Variants in IGFN1 observed in about 807,000 individuals in gnomAD.
The protein encoded by IGFN1 is immunoglobulin-like and fibronectin type III domain-containing protein 1.
Under a neutral mutation model 289.5 loss-of-function variants are expected in IGFN1, and 253 were observed. The observed-to-expected ratio is 0.87, with a 90% CI of 0.79 to 0.97. The LOEUF (loss-of-function observed/expected upper bound fraction) is 0.97, where lower values mean the gene tolerates loss of function less well. Ranked by LOEUF, IGFN1 falls within the 50% of genes least tolerant of loss-of-function variation. The pLI is 0.00. For synonymous variants in IGFN1, 1,706 were observed against 1,788.5 expected, an observed-to-expected ratio of 0.95 and a Z score of 1.16; for missense variants, 4,470 against 4,686.1, an observed-to-expected ratio of 0.95 and a Z score of 1.35.
chr1:201,216,857 C>T lies in IGFN1; in HGVS notation c.9595+104C>T, dbSNP rs1421072229. 1.4e-5 allele frequency: 14 copies of T among 982,822 alleles called. No individual in the cohort carries two copies. The East Asian group carries it at 1.5e-4, about 10-fold the overall frequency. 60.9% of individuals were successfully genotyped at this position (982,822 alleles called of 1,614,324 possible). On this transcript the variant is annotated intron_variant, in intron 16 of 23. Transcript: ENST00000335211. ...AGGCTGAGTGACACCAGCCTGTGCTCGGGGCTTCGGAGGCCCTTCTGTAGC... is the reference window on the plus strand; with the variant it reads ...AGGCTGAGTGACACCAGCCTGTGCTTGGGGCTTCGGAGGCCCTTCTGTAGC...
At position 201,209,644 on chromosome 1, in the gene IGFN1, T is replaced by A. The variant is rs1558145600; in HGVS notation, c.4751T>A (p.Phe1584Tyr). The change falls in exon 12 of 24, where the codon TTT becomes TAT. Residue 1584 changes from phenylalanine (F) to tyrosine (Y), a missense_variant. This residue lies in a region of IGFN1 where 31 missense variants were observed against 121.0 expected (regional missense o/e 0.26). Transcript: ENST00000335211. ...ATGGGTTCAGGGAGTAAGGCAAGTT[T>A]TAGGGATGGTTTAGGAGGTTCTGGA... ...KGMGSGSKAS[F>Y]RDGLGGSGEM... is the part of the protein sequence containing the mutation. The A allele has an allele frequency of 6.5e-7, 1 of 1,534,240 alleles. No individual in the cohort carries two copies. The highest frequency in any genetic ancestry group is 2.0e-5 in the Admixed American group (1 of 50,792).
Position 201,205,139 on chromosome 1 carries a change from ACG to A in IGFN1, c.976_977del (p.Ala326SerfsTer3). 6.4e-7 allele frequency: 1 copy of A among 1,550,914 alleles called. No homozygotes were observed. Among genetic ancestry groups the A allele is most frequent in the Non-Finnish European group, 8.7e-7 (1 of 1,146,982 alleles). ...GAGACCCACTGTGAGGAGCAGGGTG[ACG>A]CAGTCTTTGAATGTACCCTCTCCAG... is the stretch of plus-strand genomic sequence containing the variant. On this transcript the variant is annotated frameshift_variant, in exon 11 of 24. Coordinates refer to ENST00000335211, the MANE Select transcript of IGFN1 (RefSeq NM_001164586.2). LOFTEE classifies it high-confidence loss of function.
intron 20 of IGFN1, 163 bp downstream of exon 20, chr1:201,222,990 C>T (rs1418474504): frequency 5.9e-6 from 3 of 509,334 alleles, no homozygotes; most frequent in African/African-American, 1.9e-5. Context: ...AGACATGAGG[C>T]AGGAAGGATT....
At chr1:201,217,598 G>C (rs1653406606) in intron 17 of IGFN1, 138 bp downstream of exon 17, 6 of 821,242 alleles carry the variant, frequency 7.3e-6, no homozygotes, top group Non-Finnish European at 1.1e-5. Flanking sequence ...TATTTTTCGT[G>C]GTCACAATGG....
chr1:201,226,836 T>C (rs763537500), intron 22 of IGFN1, 46 bp from the exon 23 acceptor site: 2 of 1,455,352 alleles, frequency 1.4e-6, no homozygotes, highest in Non-Finnish European at 1.9e-6. Context: ...CAGCCAGGCC[T>C]TCCTCGCTTT....
chr1:201,193,592 C>A (rs181828677), intron 2 of IGFN1, among the ~76,000 whole-genome samples: 1 of 152,302 alleles, frequency 6.6e-6, no homozygotes, highest in Non-Finnish European at 1.5e-5. Flanking sequence ...GCTAGGATTA[C>A]AGGTGCCTGC....
intron 20 of IGFN1, 100 bp from the exon 21 acceptor site, chr1:201,224,579 C>T (rs1322493638): frequency 3.3e-6 from 3 of 920,294 alleles, no homozygotes; most frequent in South Asian, 1.7e-5. Flanking sequence ...TTGTAGAAGA[C>T]TCTTCTCACC....
chr1:201,203,490 A>G (rs1667249691), intron 9 of IGFN1, among the ~76,000 whole-genome samples: 1 of 152,146 alleles, frequency 6.6e-6, no homozygotes. Flanking sequence ...CCCTTTGTAT[A>G]ACACTTGCAG....
At position 201,209,512 on chromosome 1, in the gene IGFN1, T is replaced by C. The variant is rs2102339948; in HGVS notation, c.4619T>C (p.Ile1540Thr). The change falls in exon 12 of 24, where the codon ATA becomes ACA. Residue 1540 changes from isoleucine (I) to threonine (T), a missense_variant. By Grantham distance (89) the Ile-to-Thr change is moderately conservative. Transcript: ENST00000335211. ...YRKDLGASEA[I>T]GSGSKAGFTD... is the part of the protein sequence containing the mutation. ...AAGGATTTGGGGGCTTCTGAGGCAA[T>C]AGGTTCAGGGAGTAAGGCAGGTTTT... The C allele has an allele frequency of 5.9e-6, 9 of 1,533,896 alleles. No individual in the cohort carries two copies. Among genetic ancestry groups the C allele is most frequent in the Non-Finnish European group, 7.9e-6 (9 of 1,145,288 alleles).
At position 201,208,665 on chromosome 1, in the gene IGFN1, G is replaced by A. The variant is rs1571456386; in HGVS notation, c.3772G>A (p.Gly1258Ser). The A allele has an allele frequency of 1.3e-6, 2 of 1,536,540 alleles. No individual in the cohort carries two copies. Among genetic ancestry groups the A allele is most frequent in the African/African-American group, 1.4e-5 (1 of 73,108 alleles). ...GGCAGGCTTTAGAGATGGTTCAGGA[G>A]GCCTCCAAGGAATGGGATCAGCAGA... ...GEAGFRDGSG[G>S]LQGMGSADGP... is the part of the protein sequence containing the mutation. Residue 1258 changes from glycine (G) to serine (S), a missense_variant, in exon 12 of 24, where the codon GGC becomes AGC. Gly to Ser is a moderately conservative substitution (Grantham distance 56). Coordinates refer to ENST00000335211, the MANE Select transcript of IGFN1 (RefSeq NM_001164586.2).
intron 23 of IGFN1, among the ~76,000 whole-genome samples, 155 bp from the exon 24 acceptor site, chr1:201,228,231 C>A (rs1654240258): frequency 6.6e-6 from 1 of 152,214 alleles, no homozygotes; most frequent in Non-Finnish European, 1.5e-5. Flanking sequence ...TTTGCCCAAG[C>A]TTAGAGAGCA....
rs568768751 is a variant in IGFN1 at position 201,227,003 on chromosome 1, C to A, written c.10908C>A (p.Ala3636=). ...GCTGCGAGTGCTGCATGAGCTGTGC[C>A]GTGCAGGGCTCGCCCCGGCCCCACG... is the stretch of plus-strand genomic sequence containing the variant. The part of the protein sequence containing the change: ...PQGCECCMSC[A]VQGSPRPHVT... Residue 3636 remains alanine, a synonymous_variant, in exon 23 of 24, where the codon GCC becomes GCA. Transcript: ENST00000335211. 1 of 1,613,414 alleles carries A rather than the reference C, an allele frequency of 6.2e-7. No homozygotes were observed. Among genetic ancestry groups the A allele is most frequent in the South Asian group, 1.1e-5 (1 of 91,086 alleles).
At position 201,207,187 on chromosome 1, in the gene IGFN1, T is replaced by C; in HGVS notation, c.2294T>C (p.Val765Ala). ...EADGICRGES[V>A]VTGSAYKTGP... Reference sequence around the variant, plus strand: ...GATGGTATATGCCGGGGGGAGTCTGTAGTTACAGGAAGTGCCTACAAAACT... The same window carrying C: ...GATGGTATATGCCGGGGGGAGTCTGCAGTTACAGGAAGTGCCTACAAAACT... The change falls in exon 12 of 24, where the codon GTA becomes GCA. Residue 765 changes from valine to alanine, a missense_variant. Val to Ala is a moderately conservative substitution (Grantham distance 64, BLOSUM62 0). Coordinates refer to ENST00000335211, the MANE Select transcript of IGFN1 (RefSeq NM_001164586.2). 6.5e-7 allele frequency: 1 copy of C among 1,536,772 alleles called. No homozygotes were observed.
intron 2 of IGFN1, 115 bp downstream of exon 2, chr1:201,193,415 G>T: frequency 2.8e-6 from 2 of 703,364 alleles, no homozygotes; most frequent in Non-Finnish European, 4.8e-6. Flanking sequence ...TCTTGTTGTT[G>T]TTTTTTTTCT....
In IGFN1 at chr1:201,203,722, C is replaced by G; in HGVS notation, c.748-16C>G. 3 of 1,550,792 alleles carry G rather than the reference C, an allele frequency of 1.9e-6. No individual in the cohort carries two copies. The highest frequency in any genetic ancestry group is 2.6e-6 in the Non-Finnish European group (3 of 1,146,648). ...GACCCACTGAGGCCCGCCTCCTCTT[C>G]CTTTTCTGGCCTTAGGATGGTGAGA... On this transcript the variant is annotated splice_polypyrimidine_tract_variant and intron_variant, in intron 9 of 23. Coordinates refer to ENST00000335211, the MANE Select transcript of IGFN1 (RefSeq NM_001164586.2).
rs1314045758 is a variant in IGFN1, at chr1:201,213,151, G to A, written c.8258G>A (p.Arg2753Lys). The part of the protein sequence containing the change: ...GPFGRKASRD[R>K]SGGTQDLSSQ... ...TTTGGCAGAAAAGCCTCTAGAGATAGGTCAGGAGGGACCCAGGACCTGAGC... is the reference window on the plus strand; with the variant it reads ...TTTGGCAGAAAAGCCTCTAGAGATAAGTCAGGAGGGACCCAGGACCTGAGC... The change falls in exon 12 of 24, where the codon AGG becomes AAG. Residue 2753 changes from arginine (R) to lysine (K), a missense_variant. Coordinates refer to ENST00000335211, the MANE Select transcript of IGFN1 (RefSeq NM_001164586.2). 7 of 1,551,550 alleles carry A rather than the reference G, an allele frequency of 4.5e-6. No individual in the cohort carries two copies. The Admixed American group carries it at 1.2e-4, about 26-fold the overall frequency.
chr1:201,198,638 GCTGGTCTGGAA>G (rs750595358), intron 5 of IGFN1, among the ~76,000 whole-genome samples: 16 of 151,852 alleles, frequency 1.1e-4, no homozygotes, highest in Non-Finnish European at 1.9e-4. Flanking sequence ...TGTTGCCCAG[GCTGGTCTGGAA>G]CTCCTGGGCT....
rs553999521 is a variant in IGFN1 at position 201,211,099 on chromosome 1, G to A, written c.6206G>A (p.Gly2069Asp). The A allele has an allele frequency of 8.0e-6, 12 of 1,507,706 alleles. No individual in the cohort carries two copies. In the African/African-American group the frequency reaches 1.5e-4, roughly 19 times the overall value. 93.4% of individuals were successfully genotyped at this position (1,507,706 alleles called of 1,614,324 possible). A position where few individuals can be genotyped will look rare whatever the true frequency, so the allele number is the denominator to read the frequency against. The change falls in exon 12 of 24, where the codon GGT becomes GAT. Residue 2069 changes from glycine (G) to aspartate (D), a missense_variant. Transcript: ENST00000335211. Reference sequence around the variant, plus strand: ...GAAATGGGGTCAGTGAATGAGGCAGGTTATAGGAAGGATTTAGGGGCTCCT... The same window carrying A: ...GAAATGGGGTCAGTGAATGAGGCAGATTATAGGAAGGATTTAGGGGCTCCT... ...SVEMGSVNEA[G>D]YRKDLGAPKG...
rs1272434101 is a variant in IGFN1, at chr1:201,206,541, G to A, written c.1648G>A (p.Asp550Asn). Residue 550 changes from aspartate to asparagine, a missense_variant, in exon 12 of 24, where the codon GAT becomes AAT. By Grantham distance (23) the Asp-to-Asn change is conservative. This residue lies in a region of IGFN1 where 2,011 missense variants were observed against 1,953.4 expected (regional missense o/e 1.03). Transcript: ENST00000335211. ...QQDRGRDSNS[D>N]ECWRKAGGWE... Reference sequence around the variant, plus strand: ...AGATCGTGGCAGAGACAGCAACAGTGATGAATGCTGGAGGAAAGCAGGAGG... The same window carrying A: ...AGATCGTGGCAGAGACAGCAACAGTAATGAATGCTGGAGGAAAGCAGGAGG... 3.9e-6 allele frequency: 6 copies of A among 1,550,938 alleles called. No homozygotes were observed. The highest frequency in any genetic ancestry group is 5.2e-6 in the Non-Finnish European group (6 of 1,147,022).
Sources: gnomAD v4.1 joint callset for allele counts (sites outside exome capture counted in the v4.1 genomes callset) on GRCh38, gnomAD v4.1.1 for gene constraint, gnomAD v4.1.1 regional missense constraint, MANE v1.5 for transcripts, NCBI Gene and HGNC (gene_info 2026-07-23, HGNC 2026-07-21) for gene names.